The following AGAP9 variants were observed in gnomAD, a reference collection of about 807,000 sequenced individuals.
The protein encoded by AGAP9 is arf-GAP with GTPase, ANK repeat and PH domain-containing protein 9.
In AGAP9, 23 loss-of-function variants were observed where a neutral mutation model predicts 55.6. The ratio of observed to expected loss-of-function variants is 0.41; its 90% CI spans 0.30 to 0.59. AGAP9 has a LOEUF of 0.59. Ranked by LOEUF, AGAP9 falls within the 20% of genes least tolerant of loss-of-function variation. The pLI, the probability that AGAP9 is intolerant of heterozygous loss-of-function variation, is 0.25. For missense variants in AGAP9, 309 were observed against 808.1 expected (o/e 0.38, Z 7.49); for synonymous variants, 120 against 305.0 (o/e 0.39, Z 6.32).
intron 4 of AGAP9, among the ~76,000 whole-genome samples, chr10:47,514,276 C>A (rs1840688139): frequency 6.7e-6 from 1 of 150,086 alleles, no homozygotes; most frequent in South Asian, 2.1e-4. Flanking sequence ...ATGAGGAATA[C>A]CACCTCAGCC....
At chr10:47,507,074 GT>G (rs1338806944) in intron 6 of AGAP9, among the ~76,000 whole-genome samples, 1,370 of 134,376 alleles carry the variant, frequency 0.01, 102 homozygotes, top group African/African-American at 0.035. Context: ...TTGTAGAAAA[GT>G]TTTTTTTCAA....
intron 2 of AGAP9, among the ~76,000 whole-genome samples, chr10:47,520,856 AAAAAAG>A: frequency 4.5e-5 from 6 of 132,230 alleles, no homozygotes; most frequent in African/African-American, 1.9e-4. Flanking sequence ...AAAAAAAAAA[AAAAAAG>A]AAGAAGAGGT....
chr10:47,521,274 C>A lies in AGAP9; in HGVS notation c.293-707G>T, dbSNP rs1840827835. On this transcript the variant is annotated intron_variant, in intron 2 of 7. Coordinates refer to ENST00000452145, the MANE Select transcript of AGAP9 (RefSeq NM_001190810.1). ...CCATCTACTAACTGGTGTGTAACAT[C>A]CATCAGGCTTTCCAAACATCACCAA... is the stretch of plus-strand genomic sequence containing the variant. 1.5e-5 allele frequency among the ~76,000 whole-genome samples: 2 copies of A among 136,968 alleles called. 1 individual carries two copies. The highest frequency in any genetic ancestry group is 5.8e-5 in the African/African-American group (2 of 34,400). The allele number at this position is 136,968 out of a possible 152,430, so 89.9% of individuals were successfully genotyped here. A position where few individuals can be genotyped will look rare whatever the true frequency, so the allele number is the denominator to read the frequency against.
At chr10:47,519,199 G>T (rs1371948923) in intron 3 of AGAP9, among the ~76,000 whole-genome samples, 1 of 134,386 alleles carries the variant, frequency 7.4e-6, no homozygotes, top group Non-Finnish European at 1.6e-5. Flanking sequence ...CAGGTGCGGT[G>T]GCTGAAGCCT....
chr10:47,502,156 C>T lies in AGAP9; in HGVS notation c.1973G>A (p.Arg658His), dbSNP rs1840363151. The T allele has an allele frequency of 4.8e-5, 75 of 1,565,810 alleles. 13 individuals are homozygous for T. The highest frequency in any genetic ancestry group is 4.6e-4 in the Middle Eastern group (2 of 4,322). The change falls in exon 8 of 8, where the codon CGC becomes CAC. Residue 658 changes from arginine to histidine, a missense_variant. Coordinates refer to ENST00000452145, the MANE Select transcript of AGAP9 (RefSeq NM_001190810.1). ...SWPEMPTGTQ[R>H] ...TGGAGGCCTGCCGGGCGTAGGTCAG[C>T]GCTGTGTTCCCGTGGGCATCTCGGG...
chr10:47,518,992 G>A (rs1360883020), intron 3 of AGAP9, among the ~76,000 whole-genome samples: 107 of 126,278 alleles, frequency 8.5e-4, no homozygotes, highest in African/African-American at 3.1e-3. Flanking sequence ...GAAGGAACTG[G>A]GAAATACAAT....
At chr10:47,521,930 G>A (rs1291192691) in intron 2 of AGAP9, among the ~76,000 whole-genome samples, 8 of 149,926 alleles carry the variant, frequency 5.3e-5, no homozygotes, top group South Asian at 2.1e-4. Flanking sequence ...ACAGTCATGC[G>A]CCACTACGCC....
intron 5 of AGAP9, among the ~76,000 whole-genome samples, 171 bp from the exon 6 acceptor site, chr10:47,507,754 A>T (rs1221025966): frequency 8.6e-6 from 1 of 116,332 alleles, no homozygotes; most frequent in Non-Finnish European, 1.8e-5. Context: ...TTTTTTACAA[A>T]AATATGAGAA....
intron 3 of AGAP9, among the ~76,000 whole-genome samples, chr10:47,519,232 C>T (rs1461246371): frequency 7.6e-6 from 1 of 131,062 alleles, no homozygotes; most frequent in Non-Finnish European, 1.6e-5. Flanking sequence ...CTTTGGGAGG[C>T]TGAAGCGGGT....
At chr10:47,519,529 G>C (rs2132497335) in intron 3 of AGAP9, among the ~76,000 whole-genome samples, 1 of 104,360 alleles carries the variant, frequency 9.6e-6, no homozygotes, top group East Asian at 4.5e-4. Context: ...TCACCGTGTG[G>C]AACCACCTGC....
At chr10:47,506,414 T>G (rs1840478104) in intron 6 of AGAP9, among the ~76,000 whole-genome samples, 1 of 139,196 alleles carries the variant, frequency 7.2e-6, no homozygotes, top group South Asian at 2.3e-4. Flanking sequence ...CACTGCAACC[T>G]CCACCTCCCA....
intron 4 of AGAP9, among the ~76,000 whole-genome samples, chr10:47,516,084 A>G (rs1209752636): frequency 1.7e-5 from 2 of 115,256 alleles, no homozygotes; most frequent in Admixed American, 1.9e-4. Flanking sequence ...TCCCAGAACT[A>G]GAATAAAAAG....
intron 2 of AGAP9, among the ~76,000 whole-genome samples, chr10:47,522,030 G>T (rs1276558123): frequency 6.6e-6 from 1 of 150,448 alleles, no homozygotes; most frequent in Non-Finnish European, 1.5e-5. Context: ...CAGGTGATCC[G>T]CCTGCCACAG....
Position 47,510,151 on chromosome 10 carries a change from G to A in AGAP9, c.497+20C>T, listed in dbSNP as rs1163050376. 10 of 1,181,086 alleles carry A rather than the reference G, an allele frequency of 8.5e-6. 1 individual carries two copies. The highest frequency in any genetic ancestry group is 6.9e-5 in the East Asian group (2 of 28,938). 73.2% of individuals were successfully genotyped at this position (1,181,086 alleles called of 1,614,324 possible). On this transcript the variant is annotated intron_variant, in intron 5 of 7. Coordinates refer to ENST00000452145, the MANE Select transcript of AGAP9 (RefSeq NM_001190810.1). ...TTCCGAATAAAGGAATCTGTCCCTC[G>A]GCAGCATAGTTGTACTCACGATATT...
intron 6 of AGAP9, among the ~76,000 whole-genome samples, chr10:47,505,698 G>C (rs1296515623): frequency 3.4e-5 from 4 of 118,986 alleles, no homozygotes; most frequent in African/African-American, 1.3e-4. Context: ...TAACGAAACC[G>C]TGTCTCTATC....
In AGAP9 at chr10:47,502,779, C is replaced by T; in HGVS notation, c.1350G>A (p.Lys450=). ...SQILASLQSC[K]SSKSKSQLTS... is the part of the protein sequence containing the mutation. ...TCAGCTGGGACTTGCTTTTACTGCT[C>T]TTGCATGACTGCAGGCTGGCCAGGA... Residue 450 remains lysine, a synonymous_variant, in exon 8 of 8, where the codon AAG becomes AAA. Transcript: ENST00000452145. The T allele has an allele frequency of 6.4e-7, 1 of 1,570,634 alleles. No homozygotes were observed. Among genetic ancestry groups the T allele is most frequent in the African/African-American group, 1.4e-5 (1 of 72,122 alleles).
rs1335760016 is a variant in AGAP9, at chr10:47,508,006, C to T, written c.498-423G>A. Among the ~76,000 whole-genome samples the T allele has an allele frequency of 5.5e-4, 68 of 122,978 alleles. 6 individuals are homozygous for T. Among genetic ancestry groups the T allele is most frequent in the African/African-American group, 1.7e-3 (59 of 33,750 alleles). The allele number at this position is 122,978 out of a possible 152,430, so 80.7% of individuals were successfully genotyped here. On this transcript the variant is annotated intron_variant, in intron 5 of 7. Coordinates refer to ENST00000452145, the MANE Select transcript of AGAP9 (RefSeq NM_001190810.1). ...ACCACCCAGGTTCAAGCGATTCTCA[C>T]GCCTCAGCCTCCCAAGAAGCTGGGA... is the stretch of plus-strand genomic sequence containing the variant.
In AGAP9 at chr10:47,523,551, AC is replaced by A. The variant is rs1269874268; in HGVS notation, c.-26del. On this transcript the variant is annotated 5_prime_UTR_variant, in exon 1 of 8. Transcript: ENST00000452145. ...TGGGGCGCCTCTACTGTCTGCCACC[AC>A]CTGTGCCTCTGCTCACAGCTTTGGC... 3 of 1,488,242 alleles carry A rather than the reference AC, an allele frequency of 2.0e-6. No homozygotes were observed. The Admixed American group carries it at 6.2e-5, about 31-fold the overall frequency. 92.2% of individuals were successfully genotyped at this position (1,488,242 alleles called of 1,614,324 possible).
At chr10:47,522,547 A>G (rs1840870680) in intron 2 of AGAP9, among the ~76,000 whole-genome samples, 1 of 148,214 alleles carries the variant, frequency 6.7e-6, no homozygotes, top group Admixed American at 6.7e-5. Context: ...GCTTCTATCA[A>G]GGTGACTTAA....
Sources: gnomAD v4.1 joint callset for allele counts (sites outside exome capture counted in the v4.1 genomes callset) on GRCh38, gnomAD v4.1.1 for gene constraint, MANE v1.5 for transcripts, NCBI Gene and HGNC (gene_info 2026-07-23, HGNC 2026-07-21) for gene names.